The following SUGCT variants were observed in gnomAD, a reference collection of about 807,000 sequenced individuals.
SUGCT encodes the protein succinyl-CoA:glutarate-CoA transferase.
SUGCT carries 41 observed loss-of-function variants against 55.0 expected under a neutral mutation model. The observed-to-expected ratio is 0.74, with a 90% CI of 0.58 to 0.97. SUGCT has a LOEUF of 0.97. SUGCT is among the 50% of genes least tolerant of loss of function. The pLI, the probability that SUGCT is intolerant of heterozygous loss-of-function variation, is 0.00. For synonymous variants in SUGCT, 187 were observed against 200.4 expected, an observed-to-expected ratio of 0.93 and a Z score of 0.56; for missense variants, 568 against 547.8, an observed-to-expected ratio of 1.04 and a Z score of -0.37.
At chr7:40,967,787 AT>A in the SUGCT span, among the ~76,000 whole-genome samples, 1 of 151,650 alleles carries the variant, frequency 6.6e-6, no homozygotes. Context: ...CGCCCAGCTA[AT>A]TTTTTTTGTA....
intron 9 of SUGCT, among the ~76,000 whole-genome samples, chr7:40,375,494 A>T (rs1474401086): frequency 6.6e-6 from 1 of 152,154 alleles, no homozygotes; most frequent in Non-Finnish European, 1.5e-5. Flanking sequence ...CCTACTCCCC[A>T]TCTCATGGCC....
the SUGCT span, among the ~76,000 whole-genome samples, chr7:40,938,233 A>T: frequency 6.6e-6 from 1 of 152,034 alleles, no homozygotes; most frequent in Non-Finnish European, 1.5e-5. Flanking sequence ...ATTTACATTT[A>T]TTGTAGTTGC....
At chr7:40,988,211 T>G in the SUGCT span, among the ~76,000 whole-genome samples, 3 of 148,774 alleles carry the variant, frequency 2.0e-5, no homozygotes, top group South Asian at 4.4e-4. Context: ...TTTTGCTACA[T>G]GTTTTCAGCT....
At chr7:40,398,324 T>C (rs1785858081) in intron 9 of SUGCT, among the ~76,000 whole-genome samples, 1 of 152,138 alleles carries the variant, frequency 6.6e-6, no homozygotes, top group Admixed American at 6.5e-5. Context: ...ACTCCTGACC[T>C]CAAGTGATCC....
In SUGCT at chr7:40,274,612, A is replaced by G; in HGVS notation, c.676A>G (p.Thr226Ala). 6.2e-7 allele frequency: 1 copy of G among 1,613,746 alleles called. No homozygotes were observed. ...IMAGLIQKYK[T>A]GKGLFIDCNL... ...GGCTGGATTGATACAAAAATACAAA[A>G]CTGGGAAAGGACTGTTCATTGATTG... Residue 226 changes from threonine (T) to alanine (A), a missense_variant, in exon 8 of 14, where the codon ACT (threonine) becomes GCT (alanine). By Grantham distance (58) the Thr-to-Ala change is moderately conservative. Transcript: ENST00000335693.
chr7:40,772,547 TATC>T (rs1789193791), intron 13 of SUGCT, among the ~76,000 whole-genome samples: 28 of 148,958 alleles, frequency 1.9e-4, no homozygotes, highest in Non-Finnish European at 3.0e-4. Flanking sequence ...TCTATCTATC[TATC>T]TATCTATCTA....
chr7:40,880,872 T>C, the SUGCT span, among the ~76,000 whole-genome samples: 1 of 152,166 alleles, frequency 6.6e-6, no homozygotes, highest in Admixed American at 6.5e-5. Flanking sequence ...AGATTGGATA[T>C]TGATGGAACC....
At chr7:41,033,664 A>G in the SUGCT span, among the ~76,000 whole-genome samples, 8 of 152,084 alleles carry the variant, frequency 5.3e-5, no homozygotes, top group Admixed American at 5.2e-4. Context: ...ACTTATTTAA[A>G]ATGCTTCTTT....
At chr7:40,410,710 C>G (rs1786626250) in intron 9 of SUGCT, among the ~76,000 whole-genome samples, 1 of 152,022 alleles carries the variant, frequency 6.6e-6, no homozygotes, top group Non-Finnish European at 1.5e-5. Flanking sequence ...TTTGTAAGTC[C>G]TTACGTATCT....
chr7:40,602,337 CT>C (rs1421045128), intron 12 of SUGCT, among the ~76,000 whole-genome samples: 1 of 152,144 alleles, frequency 6.6e-6, no homozygotes, highest in Non-Finnish European at 1.5e-5. Flanking sequence ...ATGAAGGGAT[CT>C]GTCGGGGGGA....
At chr7:40,248,921 C>CACACACACACACAT (rs1411401013) in intron 7 of SUGCT, among the ~76,000 whole-genome samples, 3 of 145,578 alleles carry the variant, frequency 2.1e-5, no homozygotes, top group African/African-American at 5.0e-5. Flanking sequence ...CACACACACA[C>CACACACACACACAT]ACACTCCCTC....
At chr7:40,324,466 G>C (rs1397021524) in intron 9 of SUGCT, among the ~76,000 whole-genome samples, 2 of 151,780 alleles carry the variant, frequency 1.3e-5, no homozygotes, top group Non-Finnish European at 2.9e-5. Context: ...ATGTTTGCCA[G>C]ACTGGTCTTG....
intron 12 of SUGCT, among the ~76,000 whole-genome samples, chr7:40,597,298 C>T: frequency 6.6e-6 from 1 of 152,182 alleles, no homozygotes; most frequent in South Asian, 2.1e-4. Context: ...GGAGATAGAA[C>T]TGTGCAATTG....
At chr7:40,413,534 A>G (rs1332341503) in intron 9 of SUGCT, among the ~76,000 whole-genome samples, 4 of 152,224 alleles carry the variant, frequency 2.6e-5, no homozygotes, top group Admixed American at 6.5e-5. Flanking sequence ...GCAGGAATGT[A>G]CATTTTAAAT....
intron 8 of SUGCT, among the ~76,000 whole-genome samples, chr7:40,302,986 C>A (rs1794626978): frequency 6.6e-6 from 1 of 152,136 alleles, no homozygotes; most frequent in Non-Finnish European, 1.5e-5. Context: ...CCCAAACAAA[C>A]AATCCCACTC....
intron 12 of SUGCT, among the ~76,000 whole-genome samples, chr7:40,528,835 C>T (rs1042764359): frequency 4.6e-5 from 7 of 152,098 alleles, no homozygotes; most frequent in Non-Finnish European, 8.8e-5. Context: ...ACCCAGATGA[C>T]AATAAACAAT....
chr7:40,586,278 A>G (rs1797373927), intron 12 of SUGCT, among the ~76,000 whole-genome samples: 1 of 152,206 alleles, frequency 6.6e-6, no homozygotes, highest in Non-Finnish European at 1.5e-5. Flanking sequence ...CTATATCCTC[A>G]TTGCCCAATA....
the SUGCT span, among the ~76,000 whole-genome samples, chr7:40,971,243 G>A: frequency 2.0e-5 from 3 of 152,050 alleles, no homozygotes; most frequent in African/African-American, 4.8e-5. Context: ...ACACAACCAG[G>A]TCTCATGTGA....
chr7:40,635,411 G>T (rs1364537652), intron 12 of SUGCT, among the ~76,000 whole-genome samples: 1 of 152,174 alleles, frequency 6.6e-6, no homozygotes, highest in East Asian at 1.9e-4. Flanking sequence ...GGGATGAACT[G>T]AGACATGAAA....
Sources: allele counts gnomAD v4.1 joint callset (sites outside exome capture counted in the v4.1 genomes callset), GRCh38; gene constraint gnomAD v4.1.1; transcripts MANE v1.5; gene names NCBI Gene and HGNC (gene_info 2026-07-23, HGNC 2026-07-21).